Variants in TLK2 observed in about 807,000 individuals in gnomAD.
TLK2 encodes the protein tousled like kinase 2.
TLK2 carries 6 observed loss-of-function variants against 117.3 expected under a neutral mutation model. The ratio of observed to expected loss-of-function variants is 0.05; its 90% CI spans 0.03 to 0.10. The LOEUF is 0.10. TLK2 is among the 10% of genes least tolerant of loss of function. The pLI is 1.00. For missense variants in TLK2, 299 were observed against 901.2 expected (o/e 0.33, Z 8.56); for synonymous variants, 257 against 316.7 (o/e 0.81, Z 2.00).
chr17:62,564,978 T>G, intron 10 of TLK2, 23 bp from the exon 11 acceptor site: 1 of 1,588,234 alleles, frequency 6.3e-7, no homozygotes, highest in African/African-American at 1.4e-5. Flanking sequence ...ATTGAATTCC[T>G]TTTTTTGTCT....
intron 21 of TLK2, chr17:62,611,842 G>A (rs1291354702): frequency 6.6e-6 from 1 of 152,186 alleles, no homozygotes; most frequent in African/African-American, 2.4e-5. Flanking sequence ...CTGCATTTTT[G>A]GGTCTACAGT....
intron 19 of TLK2, among the ~76,000 whole-genome samples, chr17:62,605,854 A>G (rs1172086711): frequency 6.6e-6 from 1 of 151,638 alleles, no homozygotes; most frequent in Non-Finnish European, 1.5e-5. Context: ...ATTTTTTTTA[A>G]AAACTACCCA....
In TLK2 at chr17:62,591,358, A is replaced by T. The variant is rs1014839513; in HGVS notation, c.1460+5132A>T. Among the ~76,000 whole-genome samples, 36 of 129,068 alleles carry T rather than the reference A, an allele frequency of 2.8e-4. No homozygotes were observed. The South Asian group carries it at 6.9e-3, about 25-fold the overall frequency. The allele number at this position is 129,068 out of a possible 152,430, so 84.7% of individuals were successfully genotyped here. A position where few individuals can be genotyped will look rare whatever the true frequency, so the allele number is the denominator to read the frequency against. On this transcript the variant is annotated intron_variant, in intron 16 of 21. Coordinates refer to ENST00000346027, the MANE Select transcript of TLK2 (RefSeq NM_006852.6). ...CTGTACTGTTAAATATATGTAATTTAAAAAAAAAAAAAACCAGCGTGGAGC... is the reference window on the plus strand; with the variant it reads ...CTGTACTGTTAAATATATGTAATTTTAAAAAAAAAAAAACCAGCGTGGAGC...
intron 1 of TLK2, among the ~76,000 whole-genome samples, chr17:62,473,533 A>G (rs2144193982): frequency 6.6e-6 from 1 of 152,350 alleles, no homozygotes; most frequent in East Asian, 1.9e-4. Flanking sequence ...ATCATCAACC[A>G]GCCTCACCTG....
chr17:62,605,545 G>A (rs2083227081), intron 19 of TLK2, among the ~76,000 whole-genome samples: 1 of 151,948 alleles, frequency 6.6e-6, no homozygotes, highest in African/African-American at 2.4e-5. Context: ...GCTAATTTTT[G>A]TATTTTTAGT....
intron 2 of TLK2, among the ~76,000 whole-genome samples, chr17:62,514,735 C>T (rs954963480): frequency 1.3e-5 from 2 of 151,962 alleles, no homozygotes; most frequent in Non-Finnish European, 2.9e-5. Context: ...CCCGCCACCA[C>T]ACCCAGCTAA....
At chr17:62,560,451 G>T (rs4343345) in intron 10 of TLK2, 78,986 of 156,272 alleles carry the variant, frequency 0.51, 22,077 homozygotes, top group East Asian at 0.81. Flanking sequence ...ATTACTATTA[G>T]AATCATTAAC....
intron 2 of TLK2, among the ~76,000 whole-genome samples, chr17:62,488,345 T>G (rs1267432627): frequency 1.3e-5 from 2 of 152,228 alleles, no homozygotes; most frequent in African/African-American, 2.4e-5. Context: ...TCTTTTCATG[T>G]AGTTCATTGC....
intron 2 of TLK2, among the ~76,000 whole-genome samples, chr17:62,484,367 G>A (rs1174202967): frequency 2.6e-5 from 4 of 151,758 alleles, no homozygotes; most frequent in Non-Finnish European, 5.9e-5. Context: ...CGCGATCTCA[G>A]CTCACTGCAA....
At chr17:62,494,542 C>T (rs548793005) in intron 2 of TLK2, among the ~76,000 whole-genome samples, 1 of 152,200 alleles carries the variant, frequency 6.6e-6, no homozygotes, top group South Asian at 2.1e-4. Flanking sequence ...TAGGCATGAG[C>T]CACTGCGTCT....
At chr17:62,516,480 A>G (rs1449816829) in intron 2 of TLK2, 6 of 1,604,788 alleles carry the variant, frequency 3.7e-6, no homozygotes, top group South Asian at 2.2e-5. Flanking sequence ...CTGGACGGCT[A>G]CGGCGTAGGG....
At chr17:62,480,964 C>G (rs572413273) in intron 1 of TLK2, among the ~76,000 whole-genome samples, 157 bp from the exon 2 acceptor site, 64 of 152,216 alleles carry the variant, frequency 4.2e-4, no homozygotes, top group Non-Finnish European at 7.2e-4. Context: ...CTGTTTGATG[C>G]AGCACATAGT....
At chr17:62,552,767 A>C (rs1464613687) in intron 8 of TLK2, among the ~76,000 whole-genome samples, 2 of 152,066 alleles carry the variant, frequency 1.3e-5, no homozygotes, top group East Asian at 1.9e-4. Flanking sequence ...TTCTTAGTAC[A>C]AATCATCTGT....
intron 5 of TLK2, among the ~76,000 whole-genome samples, chr17:62,523,801 G>A (rs1598376014): frequency 6.6e-6 from 1 of 152,138 alleles, no homozygotes; most frequent in East Asian, 1.9e-4. Flanking sequence ...TACAAAGATT[G>A]AGGTGGAATG....
chr17:62,534,086 A>T (rs185599981), intron 6 of TLK2, among the ~76,000 whole-genome samples: 46 of 152,260 alleles, frequency 3.0e-4, no homozygotes, highest in African/African-American at 1.1e-3. Flanking sequence ...AGTTAATGTA[A>T]CATTGTAGTA....
chr17:62,599,839 A>C (rs568749969), intron 17 of TLK2, among the ~76,000 whole-genome samples: 1 of 152,334 alleles, frequency 6.6e-6, no homozygotes, highest in East Asian at 1.9e-4. Flanking sequence ...TTCATCCCTC[A>C]GGAATATTCA....
At chr17:62,502,635 T>A (rs562442224) in intron 2 of TLK2, among the ~76,000 whole-genome samples, 3 of 152,294 alleles carry the variant, frequency 2.0e-5, no homozygotes, top group African/African-American at 7.2e-5. Flanking sequence ...CACATAGCCT[T>A]AAGCAAGCTA....
chr17:62,487,224 G>A (rs1246571184), intron 2 of TLK2, among the ~76,000 whole-genome samples: 2 of 151,666 alleles, frequency 1.3e-5, no homozygotes, highest in Admixed American at 6.6e-5. Context: ...CCAGGGAGTC[G>A]GAGGTTGCAG....
At chr17:62,582,540 A>G (rs1393642942) in intron 15 of TLK2, among the ~76,000 whole-genome samples, 1 of 152,140 alleles carries the variant, frequency 6.6e-6, no homozygotes, top group Non-Finnish European at 1.5e-5. Flanking sequence ...TTAGTTTTCT[A>G]TTTCATTAAT....
Sources: gnomAD v4.1 joint callset for allele counts (sites outside exome capture counted in the v4.1 genomes callset) on GRCh38, gnomAD v4.1.1 for gene constraint, MANE v1.5 for transcripts, NCBI Gene and HGNC (gene_info 2026-07-23, HGNC 2026-07-21) for gene names.